Variants in XYLT1 observed in about 807,000 individuals in gnomAD.
The protein encoded by XYLT1 is xylosyltransferase 1, also known as beta-D-xylosyltransferase 1.
In XYLT1, 36 loss-of-function variants were observed where a neutral mutation model predicts 91.3. The ratio of observed to expected loss-of-function variants is 0.39; its 90% CI spans 0.30 to 0.52. The LOEUF (loss-of-function observed/expected upper bound fraction) is 0.52, where lower values mean the gene tolerates loss of function less well. XYLT1 is among the 20% of genes least tolerant of loss of function. The pLI is 0.68. For synonymous variants in XYLT1, 588 were observed against 532.0 expected (o/e 1.11, Z -1.45); for missense variants, 1,242 against 1,284.5 (o/e 0.97, Z 0.51).
At chr16:17,112,161 A>C (rs1366123877) in intron 11 of XYLT1, among the ~76,000 whole-genome samples, 1 of 152,206 alleles carries the variant, frequency 6.6e-6, no homozygotes, top group Non-Finnish European at 1.5e-5. Flanking sequence ...AATGTGGGAA[A>C]CGCTATTACA....
intron 11 of XYLT1, among the ~76,000 whole-genome samples, chr16:17,116,792 C>G (rs1239057696): frequency 6.6e-6 from 1 of 152,200 alleles, no homozygotes; most frequent in Non-Finnish European, 1.5e-5. Context: ...TTGCTCTCAG[C>G]CTTAGTAACA....
At chr16:17,265,143 G>A (rs2033786300) in intron 2 of XYLT1, among the ~76,000 whole-genome samples, 1 of 152,192 alleles carries the variant, frequency 6.6e-6, no homozygotes, top group Non-Finnish European at 1.5e-5. Flanking sequence ...AGCCAAGATC[G>A]TGCCCTGCAC....
intron 2 of XYLT1, among the ~76,000 whole-genome samples, chr16:17,287,264 C>G (rs944227142): frequency 6.6e-6 from 1 of 151,790 alleles, no homozygotes; most frequent in Non-Finnish European, 1.5e-5. Context: ...TTTTTTTAAT[C>G]CAGTTCAAGA....
rs1966808147 is a variant in XYLT1, at chr16:17,108,444, G to C, written c.*251C>G. 2.4e-6 allele frequency: 1 copy of C among 408,892 alleles called. No homozygotes were observed. Among genetic ancestry groups the C allele is most frequent in the African/African-American group, 2.0e-5 (1 of 49,252 alleles). 25.3% of individuals were successfully genotyped at this position (408,892 alleles called of 1,614,324 possible). ...GGAAGACAAGGAACCTGTAGGACTT[G>C]AGGATCAACCAGAAGAGGTGAGACA... On this transcript the variant is annotated 3_prime_UTR_variant, in exon 12 of 12. Coordinates refer to ENST00000261381, the MANE Select transcript of XYLT1 (RefSeq NM_022166.4).
At chr16:17,220,388 T>C (rs1300413007) in intron 3 of XYLT1, among the ~76,000 whole-genome samples, 1 of 152,164 alleles carries the variant, frequency 6.6e-6, no homozygotes, top group Non-Finnish European at 1.5e-5. Context: ...CGTTCTCATA[T>C]AACACACTTG....
In XYLT1 at chr16:17,470,849, C is replaced by T. The variant is rs1374809963; in HGVS notation, c.-53G>A. On this transcript the variant is annotated 5_prime_UTR_variant, in exon 1 of 12. Coordinates refer to ENST00000261381, the MANE Select transcript of XYLT1 (RefSeq NM_022166.4). ...GCGGGGACCCCGGCACGCTCCGGGC[C>T]GCCCCCGCGCTCCCCGCAGCTCCCG... The T allele has an allele frequency of 2.4e-6, 2 of 840,798 alleles. No individual in the cohort carries two copies. The highest frequency in any genetic ancestry group is 5.9e-5 in the African/African-American group (1 of 17,004). The allele number at this position is 840,798 out of a possible 1,614,324, so 52.1% of individuals were successfully genotyped here.
At chr16:17,148,222 C>T (rs1405261828) in intron 6 of XYLT1, among the ~76,000 whole-genome samples, 1 of 152,204 alleles carries the variant, frequency 6.6e-6, no homozygotes, top group Admixed American at 6.5e-5. Flanking sequence ...GTTTAGTAAG[C>T]GCTGTTCACC....
intron 2 of XYLT1, among the ~76,000 whole-genome samples, chr16:17,353,684 T>C (rs1365885778): frequency 6.7e-6 from 1 of 150,130 alleles, no homozygotes; most frequent in East Asian, 1.9e-4. Context: ...TCTAAGTACA[T>C]CTGTGGATAG....
chr16:17,422,046 G>A (rs2036257223), intron 1 of XYLT1, among the ~76,000 whole-genome samples: 1 of 151,948 alleles, frequency 6.6e-6, no homozygotes, highest in Non-Finnish European at 1.5e-5. Flanking sequence ...GCAATGGCAT[G>A]ATCTCCACTC....
At chr16:17,239,639 C>T (rs961286742) in intron 3 of XYLT1, among the ~76,000 whole-genome samples, 1 of 151,062 alleles carries the variant, frequency 6.6e-6, no homozygotes, top group African/African-American at 2.4e-5. Flanking sequence ...CATCCATCCA[C>T]TCATCCGCCC....
chr16:17,215,499 C>G (rs2032838501), intron 3 of XYLT1, among the ~76,000 whole-genome samples: 1 of 152,152 alleles, frequency 6.6e-6, no homozygotes, highest in African/African-American at 2.4e-5. Flanking sequence ...GAAGAGGGCC[C>G]TCACTAGAAC....
chr16:17,351,748 T>TG (rs1272173955), intron 2 of XYLT1, among the ~76,000 whole-genome samples: 1,646 of 106,350 alleles, frequency 0.015, 53 homozygotes, highest in African/African-American at 0.089. Context: ...GGCTTTTTTT[T>TG]TGGGGGGGGG....
intron 1 of XYLT1, among the ~76,000 whole-genome samples, chr16:17,392,842 G>A (rs561796010): frequency 1.3e-5 from 2 of 152,102 alleles, no homozygotes; most frequent in South Asian, 2.1e-4. Context: ...TATATTTGAC[G>A]TTTCCCTCCA....
At chr16:17,308,166 C>G (rs1348425288) in intron 2 of XYLT1, among the ~76,000 whole-genome samples, 6 of 152,172 alleles carry the variant, frequency 3.9e-5, no homozygotes, top group Non-Finnish European at 8.8e-5. Context: ...AAAAGTATGT[C>G]CAGTTCCTGT....
At chr16:17,309,418 TG>T (rs754563727) in intron 2 of XYLT1, among the ~76,000 whole-genome samples, 10 of 152,008 alleles carry the variant, frequency 6.6e-5, no homozygotes, top group Non-Finnish European at 1.5e-4. Flanking sequence ...AAGGCAGGGA[TG>T]GAGGGGAGAG....
At chr16:17,303,156 A>T in intron 2 of XYLT1, among the ~76,000 whole-genome samples, 1 of 152,186 alleles carries the variant, frequency 6.6e-6, no homozygotes. Context: ...CATGAGATAC[A>T]ATGATGTAAA....
At chr16:17,255,423 T>C (rs77980553) in intron 3 of XYLT1, among the ~76,000 whole-genome samples, 4,319 of 152,140 alleles carry the variant, frequency 0.028, 189 homozygotes, top group African/African-American at 0.097. Flanking sequence ...GGCCCCCAAA[T>C]CCTCAAATGC....
intron 3 of XYLT1, among the ~76,000 whole-genome samples, chr16:17,257,120 G>T (rs1396222473): frequency 6.6e-6 from 1 of 152,196 alleles, no homozygotes; most frequent in East Asian, 1.9e-4. Flanking sequence ...GAAGCGACAA[G>T]GGGGTACTGT....
chr16:17,356,841 C>T (rs2035300938), intron 2 of XYLT1, among the ~76,000 whole-genome samples: 2 of 151,998 alleles, frequency 1.3e-5, no homozygotes, highest in Admixed American at 6.6e-5. Context: ...AGAAACGTCC[C>T]CTTCAGATCC....
Sources: allele counts gnomAD v4.1 joint callset (sites outside exome capture counted in the v4.1 genomes callset), GRCh38; gene constraint gnomAD v4.1.1; transcripts MANE v1.5; gene names NCBI Gene and HGNC (gene_info 2026-07-23, HGNC 2026-07-21).